CDC42BPB: variants seen among roughly 807,000 people sequenced by gnomAD.
CDC42BPB encodes serine/threonine-protein kinase MRCK beta.
CDC42BPB carries 37 observed loss-of-function variants against 214.9 expected under a neutral mutation model. That is an observed-to-expected ratio of 0.17 (90% CI 0.13 to 0.23). The LOEUF is 0.23. CDC42BPB is among the 10% of genes least tolerant of loss of function. The pLI, the probability that CDC42BPB is intolerant of heterozygous loss-of-function variation, is 1.00. For missense variants in CDC42BPB, 1,694 were observed against 2,227.0 expected (o/e 0.76, Z 4.82); for synonymous variants, 931 against 884.0 (o/e 1.05, Z -0.94).
At position 102,971,984 on chromosome 14, in the gene CDC42BPB, C is replaced by T. The variant is rs748047064; in HGVS notation, c.1819G>A (p.Val607Met). 3.1e-6 allele frequency: 5 copies of T among 1,614,138 alleles called. No individual in the cohort carries two copies. Among genetic ancestry groups the T allele is most frequent in the South Asian group, 2.2e-5 (2 of 91,094 alleles). ...QLRDKEEEME[V>M]ATQKVDAMRQ... is the part of the protein sequence containing the mutation. ...ATGGCGTCCACCTTCTGCGTGGCCACCTCCATCTCCTCCTCCTTGTCTCGC... is the reference window on the plus strand; with the variant it reads ...ATGGCGTCCACCTTCTGCGTGGCCATCTCCATCTCCTCCTCCTTGTCTCGC... Residue 607 changes from valine (V) to methionine (M), a missense_variant, in exon 13 of 37, where the codon GTG (valine) becomes ATG (methionine). By Grantham distance (21) the Val-to-Met change is conservative. This residue lies in a region of CDC42BPB where 462 missense variants were observed against 513.5 expected (regional missense o/e 0.90). Coordinates refer to ENST00000361246, the MANE Select transcript of CDC42BPB (RefSeq NM_006035.4).
intron 21 of CDC42BPB, chr14:102,956,485 T>C (rs1185569070): frequency 9.7e-6 from 9 of 930,380 alleles, no homozygotes; most frequent in Non-Finnish European, 1.2e-5. Flanking sequence ...ACCCAGCCCC[T>C]GATGGAGGGT....
rs7150927 is a variant in CDC42BPB at position 102,943,113 on chromosome 14, C to T, written c.4408+778G>A. Among the ~76,000 whole-genome samples, 38 of 152,242 alleles carry T rather than the reference C, an allele frequency of 2.5e-4. No individual in the cohort carries two copies. The South Asian group carries it at 6.6e-3, about 27-fold the overall frequency. The stretch of plus-strand genomic sequence containing the variant: ...GTCTCGATCTCCTAACCTCGTGATC[C>T]GCCCTGCCTTGGGCTCCCAAAGTGC... On this transcript the variant is annotated intron_variant, in intron 30 of 36. Transcript: ENST00000361246. This position sits in a 1 kb window ranked among gnomAD's most constrained non-coding sequence, Gnocchi z 4.6.
At chr14:102,966,487 C>A in intron 17 of CDC42BPB, 100 bp from the exon 18 acceptor site, 1 of 1,533,760 alleles carries the variant, frequency 6.5e-7, no homozygotes, top group South Asian at 1.2e-5. Flanking sequence ...CACAGTGACA[C>A]AGTGTCACGT....
chr14:103,029,956 C>G (rs989733240), intron 1 of CDC42BPB, among the ~76,000 whole-genome samples: 1 of 151,522 alleles, frequency 6.6e-6, no homozygotes, highest in African/African-American at 2.4e-5. Flanking sequence ...ACAGCAATAG[C>G]AATCCATCCA....
In CDC42BPB at chr14:102,933,535, C is replaced by T; in HGVS notation, c.*177G>A. On this transcript the variant is annotated 3_prime_UTR_variant, in exon 37 of 37. Coordinates refer to ENST00000361246, the MANE Select transcript of CDC42BPB (RefSeq NM_006035.4). Reference sequence around the variant, plus strand: ...GCAGACGAACAGATGTGGTCTACTGCCACGAACAATGCGGCATAAAACTGA... The same window carrying T: ...GCAGACGAACAGATGTGGTCTACTGTCACGAACAATGCGGCATAAAACTGA... 1 of 531,040 alleles carries T rather than the reference C, an allele frequency of 1.9e-6. No homozygotes were observed. Among genetic ancestry groups the T allele is most frequent in the Non-Finnish European group, 3.1e-6 (1 of 323,990 alleles). The allele number at this position is 531,040 out of a possible 1,614,324, so 32.9% of individuals were successfully genotyped here. A position where few individuals can be genotyped will look rare whatever the true frequency, so the allele number is the denominator to read the frequency against.
At chr14:103,054,835 G>C (rs1421952934) in intron 1 of CDC42BPB, among the ~76,000 whole-genome samples, 6 of 152,236 alleles carry the variant, frequency 3.9e-5, no homozygotes, top group Non-Finnish European at 8.8e-5. Flanking sequence ...TTCCCGTTTA[G>C]ATTTGGAAAG....
At position 103,038,970 on chromosome 14, in the gene CDC42BPB, A is replaced by C. The variant is rs8008459; in HGVS notation, c.175+18029T>G. On this transcript the variant is annotated intron_variant, in intron 1 of 36. Coordinates refer to ENST00000361246, the MANE Select transcript of CDC42BPB (RefSeq NM_006035.4). Reference sequence around the variant, plus strand: ...ACACTACTGACATTAACAGAAGTAAAGAAGATTATTAAGAAAAACTATGAA... The same window carrying C: ...ACACTACTGACATTAACAGAAGTAACGAAGATTATTAAGAAAAACTATGAA... Among the ~76,000 whole-genome samples, 341 of 152,342 alleles carry C rather than the reference A, an allele frequency of 2.2e-3. 2 individuals are homozygous for C. Among genetic ancestry groups the C allele is most frequent in the African/African-American group, 7.9e-3 (329 of 41,576 alleles).
In CDC42BPB at chr14:103,057,012, C is replaced by A; in HGVS notation, c.162G>T (p.Glu54Asp). Residue 54 changes from glutamate to aspartate, a missense_variant, in exon 1 of 37, where the codon GAG becomes GAT. Glu to Asp is a conservative substitution (Grantham distance 45). This residue lies in a region of CDC42BPB where 83 missense variants were observed against 79.9 expected (regional missense o/e 1.04). Transcript: ENST00000361246. ...SALRRDKYVA[E>D]FLEWAKPFTQ... ...GCGCGCACTTACCCCACTCGAGGAACTCGGCCACGTACTTGTCGCGGCGCA... is the reference window on the plus strand; with the variant it reads ...GCGCGCACTTACCCCACTCGAGGAAATCGGCCACGTACTTGTCGCGGCGCA... 1.4e-6 allele frequency: 2 copies of A among 1,476,662 alleles called. No individual in the cohort carries two copies. The highest frequency in any genetic ancestry group is 1.8e-6 in the Non-Finnish European group (2 of 1,115,580). 91.5% of individuals were successfully genotyped at this position (1,476,662 alleles called of 1,614,324 possible).
At position 102,975,875 on chromosome 14, in the gene CDC42BPB, G is replaced by A. The variant is rs764074471; in HGVS notation, c.1387+8C>T. ...CCCGCCTGGCCCCGGAGCCGGCGCTGCCCTCACCTTGCAGCTTCCTGCTCA... is the reference window on the plus strand; with the variant it reads ...CCCGCCTGGCCCCGGAGCCGGCGCTACCCTCACCTTGCAGCTTCCTGCTCA... On this transcript the variant is annotated splice_region_variant and intron_variant, in intron 10 of 36. Transcript: ENST00000361246. 1 of 1,614,090 alleles carries A rather than the reference G, an allele frequency of 6.2e-7. No homozygotes were observed. The highest frequency in any genetic ancestry group is 8.5e-7 in the Non-Finnish European group (1 of 1,180,002).
intron 1 of CDC42BPB, among the ~76,000 whole-genome samples, chr14:103,017,247 G>A (rs908376359): frequency 5.3e-5 from 8 of 152,152 alleles, no homozygotes; most frequent in South Asian, 4.1e-4. Flanking sequence ...GCTGGAGCCC[G>A]GGAGGTGGAG....
At chr14:102,988,904 T>C (rs1285579642) in intron 5 of CDC42BPB, among the ~76,000 whole-genome samples, 1 of 147,406 alleles carries the variant, frequency 6.8e-6, no homozygotes, top group Non-Finnish European at 1.5e-5. Context: ...AACCAACACG[T>C]GGGTTTTCTT....
chr14:103,036,602 A>T (rs1229936118), intron 1 of CDC42BPB, among the ~76,000 whole-genome samples: 1 of 152,190 alleles, frequency 6.6e-6, no homozygotes, highest in Non-Finnish European at 1.5e-5. Context: ...ATACAGATTT[A>T]AAAAAATAAT....
rs1279171271 is a variant in CDC42BPB, at chr14:102,947,731, C to G, written c.3521G>C (p.Cys1174Ser). 3 of 1,611,050 alleles carry G rather than the reference C, an allele frequency of 1.9e-6. No homozygotes were observed. Among genetic ancestry groups the G allele is most frequent in the Admixed American group, 1.7e-5 (1 of 60,002 alleles). Residue 1174 changes from cysteine to serine, a missense_variant, in exon 27 of 37, where the codon TGT (cysteine) becomes TCT (serine). Physicochemically the swap from Cys to Ser is moderately radical, Grantham distance 112. Around this residue, in one of 7 missense-constraint regions of CDC42BPB, gnomAD observed 567 missense variants for 790.3 expected, o/e 0.72. Coordinates refer to ENST00000361246, the MANE Select transcript of CDC42BPB (RefSeq NM_006035.4). Reference protein sequence around the residue: ...VIHATRRDIPCIFRVTASLLG... With the variant: ...VIHATRRDIPSIFRVTASLLG... Reference sequence around the variant, plus strand: ...ATGAAAAATTCATACCCTGAATATACATGGAATATCTCGGCGTGTAGCATG... The same window carrying G: ...ATGAAAAATTCATACCCTGAATATAGATGGAATATCTCGGCGTGTAGCATG...
rs541916468 is a variant in CDC42BPB at position 102,964,279 on chromosome 14, C to T, written c.2726+223G>A. On this transcript the variant is annotated intron_variant, in intron 19 of 36. Coordinates refer to ENST00000361246, the MANE Select transcript of CDC42BPB (RefSeq NM_006035.4). ...CGGCTCGCACCGCACCACACCCCCC[C>T]GCGGCAGGCAAGGCCCTGCACCCTC... 5.9e-5 allele frequency among the ~76,000 whole-genome samples: 9 copies of T among 152,370 alleles called. No individual in the cohort carries two copies. The East Asian group carries it at 9.6e-4, about 16-fold the overall frequency.
chr14:103,016,748 T>C (rs567259852), intron 1 of CDC42BPB, among the ~76,000 whole-genome samples: 3 of 152,140 alleles, frequency 2.0e-5, no homozygotes, highest in East Asian at 1.9e-4. Flanking sequence ...AGCTTCAATA[T>C]AGACAGACAG....
At chr14:102,973,378 C>A (rs760786934) in intron 12 of CDC42BPB, among the ~76,000 whole-genome samples, 1 of 152,172 alleles carries the variant, frequency 6.6e-6, no homozygotes, top group African/African-American at 2.4e-5. Flanking sequence ...TTAGAAAACA[C>A]GCATATAATT....
intron 29 of CDC42BPB, among the ~76,000 whole-genome samples, chr14:102,945,023 G>A (rs35833763): frequency 0.015 from 2,218 of 152,272 alleles, 47 homozygotes; most frequent in African/African-American, 0.051. Flanking sequence ...GCCCTCACAC[G>A]GCCCCCAGGC....
Position 103,030,643 on chromosome 14 carries a change from C to T in CDC42BPB, c.176-18455G>A, listed in dbSNP as rs1887317631. On this transcript the variant is annotated intron_variant, in intron 1 of 36. Coordinates refer to ENST00000361246, the MANE Select transcript of CDC42BPB (RefSeq NM_006035.4). The stretch of plus-strand genomic sequence containing the variant: ...CCTGGGAGGTGGAGGTTGCAGTGAG[C>T]CCAGATCCCATCACTGCACTCCAGC... Among the ~76,000 whole-genome samples, 3 of 152,104 alleles carry T rather than the reference C, an allele frequency of 2.0e-5. No homozygotes were observed. The South Asian group carries it at 6.2e-4, about 32-fold the overall frequency.
Position 103,057,259 on chromosome 14 carries a change from G to A in CDC42BPB, c.-86C>T. The A allele has an allele frequency of 5.9e-6, 7 of 1,179,676 alleles. No homozygotes were observed. Among genetic ancestry groups the A allele is most frequent in the Non-Finnish European group, 5.2e-6 (5 of 954,848 alleles). The allele number at this position is 1,179,676 out of a possible 1,614,324, so 73.1% of individuals were successfully genotyped here. A position where few individuals can be genotyped will look rare whatever the true frequency, so the allele number is the denominator to read the frequency against. On this transcript the variant is annotated 5_prime_UTR_variant, in exon 1 of 37. Transcript: ENST00000361246. ...AGGGCGCGCCCTCGGGGGCTCGGCGGCTGCGAGCCCCGGCAGCAGCGGCGC... is the reference window on the plus strand; with the variant it reads ...AGGGCGCGCCCTCGGGGGCTCGGCGACTGCGAGCCCCGGCAGCAGCGGCGC...
Sources: gnomAD v4.1 joint callset for allele counts (sites outside exome capture counted in the v4.1 genomes callset) on GRCh38, gnomAD v4.1.1 for gene constraint, gnomAD v4.1.1 regional missense constraint, Gnocchi (gnomAD v3.1) non-coding constraint, MANE v1.5 for transcripts, NCBI Gene and HGNC (gene_info 2026-07-23, HGNC 2026-07-21) for gene names.